The following RBM20 variants were observed in gnomAD, a reference collection of about 807,000 sequenced individuals.
The protein encoded by RBM20 is RNA-binding protein 20.
A neutral mutation model predicts 110.1 loss-of-function variants in RBM20; 51 were observed. That is an observed-to-expected ratio of 0.46 (90% CI 0.37 to 0.59). The LOEUF (loss-of-function observed/expected upper bound fraction) is 0.59. RBM20 is among the 20% of genes least tolerant of loss of function. The pLI, the probability that RBM20 is intolerant of heterozygous loss-of-function variation, is 0.00. For missense variants in RBM20, 1,512 were observed against 1,574.9 expected (o/e 0.96, Z 0.68); for synonymous variants, 589 against 618.2 (o/e 0.95, Z 0.70).
intron 1 of RBM20, among the ~76,000 whole-genome samples, chr10:110,649,664 A>C (rs1426214468): frequency 6.6e-6 from 1 of 152,220 alleles, no homozygotes; most frequent in Non-Finnish European, 1.5e-5. Context: ...TATTTGGTAT[A>C]TTTTAACAGG....
chr10:110,786,505 A>T (rs1322855110), intron 5 of RBM20, among the ~76,000 whole-genome samples: 1 of 152,046 alleles, frequency 6.6e-6, no homozygotes, highest in Non-Finnish European at 1.5e-5. Context: ...TTGATCTGTG[A>T]TGTTGAATAG....
chr10:110,703,923 C>A (rs1340458758), intron 1 of RBM20, among the ~76,000 whole-genome samples: 2 of 152,134 alleles, frequency 1.3e-5, no homozygotes, highest in Non-Finnish European at 2.9e-5. Context: ...ACCAGCCTGG[C>A]CAATATGGCG....
intron 6 of RBM20, among the ~76,000 whole-genome samples, chr10:110,799,288 T>C (rs1364427348): frequency 6.6e-6 from 1 of 152,174 alleles, no homozygotes; most frequent in Non-Finnish European, 1.5e-5. Context: ...AGGTATTCCA[T>C]GGCATGATGT....
At chr10:110,724,988 G>C (rs1372001482) in intron 1 of RBM20, among the ~76,000 whole-genome samples, 1 of 152,168 alleles carries the variant, frequency 6.6e-6, no homozygotes, top group Non-Finnish European at 1.5e-5. Flanking sequence ...GAAACGTGTG[G>C]ATTGCCAAGT....
chr10:110,647,001 A>T (rs889786988), intron 1 of RBM20, among the ~76,000 whole-genome samples: 2 of 152,178 alleles, frequency 1.3e-5, no homozygotes, highest in African/African-American at 4.8e-5. Context: ...AGAAGTTTTG[A>T]TTGCTTTCAA....
intron 4 of RBM20, 112 bp downstream of exon 4, chr10:110,784,544 G>A (rs903671635): frequency 9.4e-6 from 8 of 849,896 alleles, no homozygotes; most frequent in Admixed American, 8.1e-5. Flanking sequence ...TCTCACGGAT[G>A]TAGAAAGCAA....
At chr10:110,727,733 A>T (rs1051267540) in intron 1 of RBM20, among the ~76,000 whole-genome samples, 4 of 152,180 alleles carry the variant, frequency 2.6e-5, no homozygotes, top group African/African-American at 9.7e-5. Flanking sequence ...TGCTGCACTC[A>T]TTAGCCCATC....
intron 12 of RBM20, among the ~76,000 whole-genome samples, chr10:110,827,319 G>A (rs1844994292): frequency 6.6e-6 from 1 of 152,122 alleles, no homozygotes; most frequent in Admixed American, 6.5e-5. Context: ...AGGAGATCCA[G>A]GCTGCAGTGA....
intron 1 of RBM20, among the ~76,000 whole-genome samples, chr10:110,733,701 C>T (rs867042188): frequency 3.1e-4 from 47 of 152,348 alleles, no homozygotes; most frequent in African/African-American, 6.5e-4. Flanking sequence ...TGGCGTGGCT[C>T]GGCGCTTTCT....
chr10:110,808,473 C>T (rs1411834370), intron 7 of RBM20, among the ~76,000 whole-genome samples: 1 of 152,178 alleles, frequency 6.6e-6, no homozygotes, highest in Non-Finnish European at 1.5e-5. Flanking sequence ...CATAAGGGAC[C>T]ATTTGCCAAA....
At chr10:110,675,584 A>C (rs993159958) in intron 1 of RBM20, among the ~76,000 whole-genome samples, 2 of 152,202 alleles carry the variant, frequency 1.3e-5, no homozygotes, top group African/African-American at 4.8e-5. Context: ...GGTTCAGATG[A>C]ACTGAATCAG....
chr10:110,834,950 A>G (rs1482683339), intron 13 of RBM20, among the ~76,000 whole-genome samples: 1 of 152,232 alleles, frequency 6.6e-6, no homozygotes, highest in Non-Finnish European at 1.5e-5. Flanking sequence ...GGGGTCATGC[A>G]GAGGCAGCCC....
chr10:110,737,705 C>T (rs4918582), intron 1 of RBM20, among the ~76,000 whole-genome samples: 107,222 of 151,680 alleles, frequency 0.71, 38,625 homozygotes, highest in African/African-American at 0.86. Flanking sequence ...GTTTTATGTT[C>T]GTAACATTCA....
At chr10:110,684,857 T>G (rs1862479118) in intron 1 of RBM20, among the ~76,000 whole-genome samples, 1 of 152,234 alleles carries the variant, frequency 6.6e-6, no homozygotes, top group South Asian at 2.1e-4. Flanking sequence ...TGTAGACCTC[T>G]TGAAGCTTGG....
chr10:110,658,298 T>TC (rs1295958708), intron 1 of RBM20, among the ~76,000 whole-genome samples: 1 of 152,196 alleles, frequency 6.6e-6, no homozygotes, highest in African/African-American at 2.4e-5. Context: ...ATTTGACGTC[T>TC]CCTAGCCATG....
chr10:110,827,722 A>T (rs1844999682), intron 12 of RBM20: 1 of 152,194 alleles, frequency 6.6e-6, no homozygotes, highest in Non-Finnish European at 1.5e-5. Flanking sequence ...AGTGGGAGGT[A>T]CTTAATAAGG....
intron 1 of RBM20, among the ~76,000 whole-genome samples, chr10:110,722,976 G>A (rs1474408962): frequency 4.6e-5 from 7 of 152,256 alleles, no homozygotes; most frequent in African/African-American, 1.4e-4. Flanking sequence ...GCCGGGCGTT[G>A]TGGCATGCAC....
intron 5 of RBM20, among the ~76,000 whole-genome samples, chr10:110,795,063 C>A (rs908050023): frequency 6.6e-6 from 1 of 152,150 alleles, no homozygotes; most frequent in Non-Finnish European, 1.5e-5. Flanking sequence ...TTAGCACAGG[C>A]CAACCACAGC....
intron 1 of RBM20, among the ~76,000 whole-genome samples, chr10:110,721,537 A>G (rs959018446): frequency 1.3e-5 from 2 of 152,146 alleles, no homozygotes; most frequent in Non-Finnish European, 2.9e-5. Context: ...CTGTCCAGGC[A>G]TCGTCCTCCC....
Sources: gnomAD v4.1 joint callset for allele counts (sites outside exome capture counted in the v4.1 genomes callset) on GRCh38, gnomAD v4.1.1 for gene constraint, MANE v1.5 for transcripts, NCBI Gene and HGNC (gene_info 2026-07-23, HGNC 2026-07-21) for gene names.